PPP6R1: variants seen among roughly 807,000 people sequenced by gnomAD.
The protein encoded by PPP6R1 is serine/threonine-protein phosphatase 6 regulatory subunit 1.
A neutral mutation model predicts 104.6 loss-of-function variants in PPP6R1; 39 were observed. That is an observed-to-expected ratio of 0.37 (90% CI 0.29 to 0.49). The LOEUF (loss-of-function observed/expected upper bound fraction) is 0.49, where lower values mean the gene tolerates loss of function less well. PPP6R1 is among the 20% of genes least tolerant of loss of function. The pLI, the probability that PPP6R1 is intolerant of heterozygous loss-of-function variation, is 0.98. For synonymous variants in PPP6R1, 549 were observed against 479.0 expected, an observed-to-expected ratio of 1.15 and a Z score of -1.91; for missense variants, 1,181 against 1,155.8, an observed-to-expected ratio of 1.02 and a Z score of -0.32.
intron 1 of PPP6R1, among the ~76,000 whole-genome samples, chr19:55,249,734 G>A (rs2087538475): frequency 6.6e-6 from 1 of 152,130 alleles, no homozygotes; most frequent in Non-Finnish European, 1.5e-5. Context: ...CCAGCTACTC[G>A]GGAGGCTGAG....
At position 55,230,531 on chromosome 19, in the gene PPP6R1, T is replaced by A. The variant is rs373572524; in HGVS notation, c.2643A>T (p.Gln881His). 27 of 1,613,358 alleles carry A rather than the reference T, an allele frequency of 1.7e-5. No homozygotes were observed. The highest frequency in any genetic ancestry group is 5.0e-5 in the Admixed American group (3 of 59,990). The change falls in exon 24 of 24, where the codon CAA becomes CAT. Residue 881 changes from glutamine (Q) to histidine (H), a missense_variant and splice_region_variant. Around this residue, in one of 2 missense-constraint regions of PPP6R1, gnomAD observed 1,042 missense variants for 955.6 expected, o/e 1.09. Transcript: ENST00000412770. ...CCGCCGCTGCCGCACCAGGCAGCTA[T>A]CTGGAAACAGAGGGAGATGTCGTGT... ...APEGPASPGS[Q>H]
chr19:55,254,294 AG>A (rs1230866156), intron 1 of PPP6R1, among the ~76,000 whole-genome samples: 1 of 152,234 alleles, frequency 6.6e-6, no homozygotes, highest in Non-Finnish European at 1.5e-5. Context: ...AAACGGAAGA[AG>A]GGGAAATTGT....
intron 17 of PPP6R1, 120 bp from the exon 18 acceptor site, chr19:55,232,331 GA>G: frequency 1.4e-6 from 2 of 1,425,614 alleles, no homozygotes; most frequent in East Asian, 2.5e-5. Context: ...GCAGGTCACA[GA>G]AGGGTCCAGG....
At position 55,239,470 on chromosome 19, in the gene PPP6R1, G is replaced by A. The variant is rs2087429716; in HGVS notation, c.1686C>T (p.Thr562=). The part of the protein sequence containing the change: ...AFMDFQMQRM[T]SAFIDHFGFN... ...AGCCGAAGTGGTCAATGAAGGCAGA[G>A]GTCATGCGCTGCATCTGGAAGTCCA... The change falls in exon 15 of 24, where the codon ACC becomes ACT. Residue 562 remains threonine (T), a synonymous_variant. Coordinates refer to ENST00000412770, the MANE Select transcript of PPP6R1 (RefSeq NM_014931.4). 4 of 1,613,932 alleles carry A rather than the reference G, an allele frequency of 2.5e-6. No individual in the cohort carries two copies. In the South Asian group the frequency reaches 4.4e-5, roughly 18 times the overall value.
At chr19:55,228,449 G>T, downstream of PPP6R1, 1 of 1,609,468 alleles carries the variant, frequency 6.2e-7, no homozygotes, top group Non-Finnish European at 8.5e-7. Context: ...TTTGGGGAGT[G>T]GGGAGCTACT....
chr19:55,254,288 G>A (rs566046617), intron 1 of PPP6R1, among the ~76,000 whole-genome samples: 15 of 152,302 alleles, frequency 9.8e-5, no homozygotes, highest in South Asian at 4.1e-4. Flanking sequence ...GGCTGCAAAC[G>A]GAAGAAGGGG....
chr19:55,234,198 T>C (rs545584895), intron 17 of PPP6R1, among the ~76,000 whole-genome samples: 3 of 152,206 alleles, frequency 2.0e-5, no homozygotes, highest in Non-Finnish European at 2.9e-5. Context: ...CCATCCACCT[T>C]GGCCTCCCAA....
Position 55,230,496 on chromosome 19 carries a change from G to A in PPP6R1, c.*32C>T. 6.2e-7 allele frequency: 1 copy of A among 1,612,888 alleles called. No homozygotes were observed. Among genetic ancestry groups the A allele is most frequent in the Non-Finnish European group, 8.5e-7 (1 of 1,179,766 alleles). ...ACCCCGGGAGATCCACGGGAGGACG[G>A]AAGATTTGGCCGCCGCTGCCGCACC... On this transcript the variant is annotated 3_prime_UTR_variant, in exon 24 of 24. Transcript: ENST00000412770.
chr19:55,231,659 G>T lies in PPP6R1; in HGVS notation c.2316C>A (p.Asp772Glu). ...CCTGAGGTGCTGAGGGGGGTGTGGG[G>T]TCCTGAGACCTGGTAGGCGAGAGAG... ...ARDALQLRSQ[D>E]PTPPSAPQEA... Residue 772 changes from aspartate to glutamate, a missense_variant, in exon 20 of 24, where the codon GAC (aspartate) becomes GAA (glutamate). Transcript: ENST00000412770. The T allele has an allele frequency of 2.5e-6, 4 of 1,607,772 alleles. No homozygotes were observed. Among genetic ancestry groups the T allele is most frequent in the Non-Finnish European group, 3.4e-6 (4 of 1,176,834 alleles).
chr19:55,253,519 C>T (rs1471004973), intron 1 of PPP6R1, among the ~76,000 whole-genome samples: 6 of 152,286 alleles, frequency 3.9e-5, no homozygotes, highest in African/African-American at 1.2e-4. Flanking sequence ...GGAGGGTGCT[C>T]GCTGGTGCAC....
chr19:55,242,386 T>C lies in PPP6R1; in HGVS notation c.721A>G (p.Thr241Ala). ...TGCCCGCACACCCACTTCTCCAGGG[T>C]GGCCAGCAGTTGGTCAGGCTCTGGG... ...DSPEPDQLLATLEKQETIEQL... is the reference protein window; with the variant it reads ...DSPEPDQLLAALEKQETIEQL... The change falls in exon 6 of 24, where the codon ACC (threonine) becomes GCC (alanine). Residue 241 changes from threonine to alanine, a missense_variant. By Grantham distance (58) the Thr-to-Ala change is moderately conservative. Coordinates refer to ENST00000412770, the MANE Select transcript of PPP6R1 (RefSeq NM_014931.4). 3.1e-6 allele frequency: 5 copies of C among 1,613,464 alleles called. No individual in the cohort carries two copies. In the Middle Eastern group the frequency reaches 8.2e-4, roughly 266 times the overall value.
chr19:55,257,283 G>A (rs1407702779), intron 1 of PPP6R1, among the ~76,000 whole-genome samples: 2 of 152,118 alleles, frequency 1.3e-5, no homozygotes, highest in East Asian at 3.9e-4. Context: ...TTAGACCCTC[G>A]CCCTTGGGCT....
At position 55,241,144 on chromosome 19, in the gene PPP6R1, C is replaced by T; in HGVS notation, c.1162-65G>A. ...CCCAGCCGAGCCCCCAACCCCTGAGCCCCCAGCCGAGCCCCCACCCCAGCC... is the reference window on the plus strand; with the variant it reads ...CCCAGCCGAGCCCCCAACCCCTGAGTCCCCAGCCGAGCCCCCACCCCAGCC... On this transcript the variant is annotated intron_variant, in intron 9 of 23. Coordinates refer to ENST00000412770, the MANE Select transcript of PPP6R1 (RefSeq NM_014931.4). This position sits in a 1 kb window ranked among gnomAD's most constrained non-coding sequence, Gnocchi z 5.4. The T allele has an allele frequency of 2.4e-6, 3 of 1,232,686 alleles. No homozygotes were observed. Among genetic ancestry groups the T allele is most frequent in the Non-Finnish European group, 2.1e-6 (2 of 944,944 alleles). The allele number at this position is 1,232,686 out of a possible 1,614,324, so 76.4% of individuals were successfully genotyped here. A position where few individuals can be genotyped will look rare whatever the true frequency, so the allele number is the denominator to read the frequency against.
chr19:55,234,687 C>T (rs1450596432), intron 17 of PPP6R1, among the ~76,000 whole-genome samples: 3 of 152,024 alleles, frequency 2.0e-5, no homozygotes, highest in Non-Finnish European at 4.4e-5. Context: ...GCAACAGGAA[C>T]CTGCCCAAAG....
chr19:55,250,511 A>G (rs1309370154), intron 1 of PPP6R1, among the ~76,000 whole-genome samples: 1 of 152,090 alleles, frequency 6.6e-6, no homozygotes, highest in Non-Finnish European at 1.5e-5. Context: ...CTCTCACCTC[A>G]GGGAGGAGCC....
rs760176643 is a variant in PPP6R1 at position 55,240,972 on chromosome 19, C to G, written c.1269G>C (p.Thr423=). 1 of 1,603,444 alleles carries G rather than the reference C, an allele frequency of 6.2e-7. No homozygotes were observed. ...GTTTCACAACAGGGTTTTGGATGGG[C>G]GTCTCAGGGCTGCTGTCAGGAGGTG... ...LGPPPDSSPE[T]PIQNPVVKHL... is the part of the protein sequence containing the mutation. Residue 423 remains threonine (T), a synonymous_variant, in exon 10 of 24, where the codon ACG becomes ACC. Coordinates refer to ENST00000412770, the MANE Select transcript of PPP6R1 (RefSeq NM_014931.4).
In PPP6R1 at chr19:55,239,611, C is replaced by G. The variant is rs1234850066; in HGVS notation, c.1636G>C (p.Glu546Gln). Reference sequence around the variant, plus strand: ...ACGCCCACCTGCTGCAGCACAGCCTCCTCAGGGAAGTTGAACTCCTTGAGC... The same window carrying G: ...ACGCCCACCTGCTGCAGCACAGCCTGCTCAGGGAAGTTGAACTCCTTGAGC... ...DRLKEFNFPE[E>Q]AVLQQAFMDF... Residue 546 changes from glutamate (E) to glutamine (Q), a missense_variant, in exon 14 of 24, where the codon GAG (glutamate) becomes CAG (glutamine). Around this residue, in one of 2 missense-constraint regions of PPP6R1, gnomAD observed 1,042 missense variants for 955.6 expected, o/e 1.09. Coordinates refer to ENST00000412770, the MANE Select transcript of PPP6R1 (RefSeq NM_014931.4). 1.2e-6 allele frequency: 2 copies of G among 1,611,472 alleles called. No homozygotes were observed. The highest frequency in any genetic ancestry group is 1.7e-6 in the Non-Finnish European group (2 of 1,178,850).
Position 55,230,461 on chromosome 19 carries a change from C to A in PPP6R1, c.*67G>T. 1 of 1,605,344 alleles carries A rather than the reference C, an allele frequency of 6.2e-7. No individual in the cohort carries two copies. ...GCAATGGGGGCCATCGTGGGACCCGCCCTGCCCCCACCCCGGGAGATCCAC... is the reference window on the plus strand; with the variant it reads ...GCAATGGGGGCCATCGTGGGACCCGACCTGCCCCCACCCCGGGAGATCCAC... On this transcript the variant is annotated 3_prime_UTR_variant, in exon 24 of 24. Transcript: ENST00000412770.
chr19:55,231,253 C>T (rs568241520), intron 21 of PPP6R1, among the ~76,000 whole-genome samples, 157 bp downstream of exon 21: 1 of 152,154 alleles, frequency 6.6e-6, no homozygotes, highest in Non-Finnish European at 1.5e-5. Context: ...AACCAGCCTA[C>T]AGAGTGCAAG....
Sources: gnomAD v4.1 joint callset for allele counts (sites outside exome capture counted in the v4.1 genomes callset) on GRCh38, gnomAD v4.1.1 for gene constraint, gnomAD v4.1.1 regional missense constraint, Gnocchi (gnomAD v3.1) non-coding constraint, MANE v1.5 for transcripts, NCBI Gene and HGNC (gene_info 2026-07-23, HGNC 2026-07-21) for gene names.